FAM110B: variants seen among roughly 807,000 people sequenced by gnomAD.
The protein encoded by FAM110B is family with sequence similarity 110 member B, also known as protein FAM110B.
A neutral mutation model predicts 20.4 loss-of-function variants in FAM110B; 6 were observed. The observed-to-expected ratio is 0.29, with a 90% CI of 0.16 to 0.58. The LOEUF (loss-of-function observed/expected upper bound fraction) is 0.58, where lower values mean the gene tolerates loss of function less well. Among genes scored for constraint, FAM110B ranks in the 20% least tolerant of loss-of-function variants. The pLI is 0.90. For synonymous variants in FAM110B, 226 were observed against 214.1 expected (o/e 1.06, Z -0.49); for missense variants, 434 against 498.2 (o/e 0.87, Z 1.23).
At chr8:58,132,254 A>G (rs977406719) in intron 3 of FAM110B, among the ~76,000 whole-genome samples, 14 of 152,228 alleles carry the variant, frequency 9.2e-5, no homozygotes, top group African/African-American at 2.4e-4. Flanking sequence ...TGTATCCTCC[A>G]GCACAGCAAG....
intron 3 of FAM110B, among the ~76,000 whole-genome samples, chr8:58,105,085 A>G (rs144061700): frequency 8.3e-4 from 126 of 152,058 alleles, no homozygotes; most frequent in African/African-American, 2.5e-3. Flanking sequence ...AGGAAGTGGA[A>G]CTAGGTGCCT....
intron 3 of FAM110B, among the ~76,000 whole-genome samples, chr8:58,122,925 T>C (rs1239978044): frequency 6.6e-6 from 1 of 152,164 alleles, no homozygotes; most frequent in Admixed American, 6.5e-5. Flanking sequence ...GAGCTGACTT[T>C]CTCCAAATTA....
At chr8:57,999,812 T>C (rs1563492631) in intron 1 of FAM110B, among the ~76,000 whole-genome samples, 9 of 152,118 alleles carry the variant, frequency 5.9e-5, no homozygotes, top group African/African-American at 2.4e-5. Context: ...CACTTTTCCA[T>C]CTGGGCTTGG....
At chr8:58,011,307 C>T (rs1310163287) in intron 1 of FAM110B, among the ~76,000 whole-genome samples, 1 of 152,160 alleles carries the variant, frequency 6.6e-6, no homozygotes, top group Admixed American at 6.5e-5. Context: ...TCAAACCCCT[C>T]CTAACACATT....
intron 3 of FAM110B, among the ~76,000 whole-genome samples, chr8:58,128,982 A>G (rs1400412303): frequency 6.6e-6 from 1 of 152,222 alleles, no homozygotes; most frequent in Non-Finnish European, 1.5e-5. Flanking sequence ...TTGTAAACAC[A>G]GGAAAGCTTC....
intron 2 of FAM110B, among the ~76,000 whole-genome samples, chr8:58,067,752 A>G (rs994384797): frequency 2.6e-5 from 4 of 152,248 alleles, no homozygotes; most frequent in Admixed American, 2.6e-4. Context: ...AAGTCCTTAC[A>G]CATAGTAAGG....
chr8:58,031,739 AG>A (rs1317080618), intron 2 of FAM110B, 36 bp downstream of exon 2: 1 of 152,220 alleles, frequency 6.6e-6, no homozygotes, highest in Non-Finnish European at 1.5e-5. Context: ...AAAATCATGT[AG>A]GAATCTGGTT....
At chr8:58,018,784 T>C (rs1314867100) in intron 1 of FAM110B, among the ~76,000 whole-genome samples, 3 of 151,796 alleles carry the variant, frequency 2.0e-5, no homozygotes, top group Non-Finnish European at 4.4e-5. Context: ...TGGTTTTACT[T>C]TTTACTGGTT....
At position 58,146,462 on chromosome 8, in the gene FAM110B, G is replaced by T; in HGVS notation, c.232G>T (p.Ala78Ser). Residue 78 changes from alanine to serine, a missense_variant, in exon 4 of 4, where the codon GCC (alanine) becomes TCC (serine). Around this residue, in one of 3 missense-constraint regions of FAM110B, gnomAD observed 284 missense variants for 278.3 expected, o/e 1.02. Transcript: ENST00000519262. ...INAKQEPVKPAVLAKPPVCPA... is the reference protein window; with the variant it reads ...INAKQEPVKPSVLAKPPVCPA... ...CGCCAAGCAGGAGCCCGTGAAGCCC[G>T]CCGTGCTGGCCAAGCCCCCGGTGTG... The T allele has an allele frequency of 6.2e-7, 1 of 1,613,346 alleles. No individual in the cohort carries two copies. The highest frequency in any genetic ancestry group is 8.5e-7 in the Non-Finnish European group (1 of 1,179,638).
intron 1 of FAM110B, among the ~76,000 whole-genome samples, chr8:58,005,730 C>G (rs1804390407): frequency 6.6e-6 from 1 of 152,188 alleles, no homozygotes; most frequent in Admixed American, 6.5e-5. Context: ...AAGTCTGAGT[C>G]TCCATTTTAT....
Position 58,039,207 on chromosome 8 carries a change from C to T in FAM110B, c.-414+7504C>T, listed in dbSNP as rs568175195. Among the ~76,000 whole-genome samples, 16 of 152,294 alleles carry T rather than the reference C, an allele frequency of 1.1e-4. No individual in the cohort carries two copies. In the South Asian group the frequency reaches 3.3e-3, roughly 32 times the overall value. ...TTGCTGGCCCTGCTGAGCCCAGAGT[C>T]ATTGTCATTCTCAGAACCTCCTATG... On this transcript the variant is annotated intron_variant, in intron 2 of 3. Transcript: ENST00000519262.
chr8:58,092,943 C>G (rs956802873), intron 3 of FAM110B, among the ~76,000 whole-genome samples: 1 of 152,206 alleles, frequency 6.6e-6, no homozygotes, highest in Non-Finnish European at 1.5e-5. Context: ...GCCATTCTAA[C>G]TGGCATGGGA....
At chr8:57,998,202 A>G (rs1425356468) in intron 1 of FAM110B, among the ~76,000 whole-genome samples, 1 of 152,234 alleles carries the variant, frequency 6.6e-6, no homozygotes, top group East Asian at 1.9e-4. Flanking sequence ...ATTTCACAAT[A>G]CCTTGTTAAA....
At chr8:58,007,089 C>A (rs1259338455) in intron 1 of FAM110B, among the ~76,000 whole-genome samples, 2 of 151,786 alleles carry the variant, frequency 1.3e-5, no homozygotes. Flanking sequence ...TCTTCCCTCG[C>A]CCTGAAGTAC....
intron 2 of FAM110B, among the ~76,000 whole-genome samples, chr8:58,050,506 G>A (rs1805417898): frequency 6.6e-6 from 1 of 152,188 alleles, no homozygotes; most frequent in Non-Finnish European, 1.5e-5. Flanking sequence ...CATTCAGGTT[G>A]TCGGCAGGGC....
At position 58,146,708 on chromosome 8, in the gene FAM110B, G is replaced by T. The variant is rs771272946; in HGVS notation, c.478G>T (p.Ala160Ser). 3 of 1,612,232 alleles carry T rather than the reference G, an allele frequency of 1.9e-6. No individual in the cohort carries two copies. The highest frequency in any genetic ancestry group is 2.2e-5 in the East Asian group (1 of 44,794). The stretch of plus-strand genomic sequence containing the variant: ...CACTGACCTGCACCGTCACTCCTTC[G>T]CGGAGTCCCTGAAGGTCTACCCCAC... ...EATDLHRHSFAESLKVYPTQG... is the reference protein window; with the variant it reads ...EATDLHRHSFSESLKVYPTQG... The change falls in exon 4 of 4, where the codon GCG becomes TCG. Residue 160 changes from alanine to serine, a missense_variant. Ala to Ser is a moderately conservative substitution (Grantham distance 99, BLOSUM62 1). Around this residue, in one of 3 missense-constraint regions of FAM110B, gnomAD observed 284 missense variants for 278.3 expected, o/e 1.02. Transcript: ENST00000519262.
intron 3 of FAM110B, among the ~76,000 whole-genome samples, chr8:58,082,296 A>C (rs1406533442): frequency 1.3e-5 from 2 of 152,244 alleles, no homozygotes; most frequent in African/African-American, 4.8e-5. Context: ...ATGGGCATGT[A>C]GAGACAAACC....
At chr8:58,026,380 C>T (rs1289567767) in intron 1 of FAM110B, among the ~76,000 whole-genome samples, 1 of 151,734 alleles carries the variant, frequency 6.6e-6, no homozygotes, top group Non-Finnish European at 1.5e-5. Flanking sequence ...TAGTGACTAA[C>T]ACATGCCAGC....
chr8:58,056,374 T>A lies in FAM110B; in HGVS notation c.-413-19161T>A, dbSNP rs140829106. Among the ~76,000 whole-genome samples the A allele has an allele frequency of 5.5e-3, 832 of 152,328 alleles. 4 individuals carry two copies. The highest frequency in any genetic ancestry group is 0.019 in the African/African-American group (784 of 41,582). On this transcript the variant is annotated intron_variant, in intron 2 of 3. Coordinates refer to ENST00000519262, the MANE Select transcript of FAM110B (RefSeq NM_001377989.1). ...GTAATTTAAATATTTGGCTTTCTAG[T>A]GCCATTTCAATTTCTTCAGGTTGTT...
Sources: allele counts gnomAD v4.1 joint callset (sites outside exome capture counted in the v4.1 genomes callset), GRCh38; gene constraint gnomAD v4.1.1; regional missense constraint gnomAD v4.1.1; transcripts MANE v1.5; gene names NCBI Gene and HGNC (gene_info 2026-07-23, HGNC 2026-07-21).